Variants in SCRIB observed in about 807,000 individuals in gnomAD.
SCRIB encodes the protein protein scribble homolog.
In SCRIB, 72 loss-of-function variants were observed where a neutral mutation model predicts 170.0. The ratio of observed to expected loss-of-function variants is 0.42; its 90% CI spans 0.35 to 0.52. SCRIB has a LOEUF of 0.52. Among genes scored for constraint, SCRIB ranks in the 20% least tolerant of loss-of-function variants. The probability of loss-of-function intolerance (pLI) is 0.02; values close to 1 mark genes in which losing one functional copy is unlikely to be tolerated. For synonymous variants in SCRIB, 1,298 were observed against 1,044.3 expected, an observed-to-expected ratio of 1.24 and a Z score of -4.68; for missense variants, 2,475 against 2,338.5, an observed-to-expected ratio of 1.06 and a Z score of -1.20.
Position 143,792,345 on chromosome 8 carries a change from A to G in SCRIB, c.4389T>C (p.Ala1463=). Residue 1463 remains alanine, a synonymous_variant, in exon 32 of 37, where the codon GCT becomes GCC. Coordinates refer to ENST00000356994, the MANE Select transcript of SCRIB (RefSeq NM_182706.5). ...GGGAPVRTAK[A]ERRHQERLRV... is the part of the protein sequence containing the mutation. The stretch of plus-strand genomic sequence containing the variant: ...GCAGCCGCTCCTGGTGGCGCCGTTC[A>G]GCTTTGGCCGTCCGCACCGGGGCGC... 1 of 1,539,952 alleles carries G rather than the reference A, an allele frequency of 6.5e-7. No homozygotes were observed. Among genetic ancestry groups the G allele is most frequent in the Middle Eastern group, 1.8e-4 (1 of 5,478 alleles).
At chr8:143,814,453 G>A (rs902786218) in intron 1 of SCRIB, among the ~76,000 whole-genome samples, 2 of 152,082 alleles carry the variant, frequency 1.3e-5, no homozygotes, top group African/African-American at 4.8e-5. Flanking sequence ...CCCTCCAGGG[G>A]CCCACACTGG....
chr8:143,797,577 G>C (rs1814995762), intron 24 of SCRIB, among the ~76,000 whole-genome samples: 1 of 152,214 alleles, frequency 6.6e-6, no homozygotes, highest in African/African-American at 2.4e-5. Context: ...AAACCTGGCT[G>C]ACCCCACGGT....
rs927192857 is a variant in SCRIB, at chr8:143,813,644, C to T, written c.439G>A (p.Val147Met). The T allele has an allele frequency of 1.1e-5, 18 of 1,613,108 alleles. No individual in the cohort carries two copies. The African/African-American group carries it at 1.2e-4, about 11-fold the overall frequency. ...DVSLQALPGD[V>M]GNLANLVTLE... ...ACCTGAGAAGGCACTCACTTGCCCA[C>T]GTCCCCGGGCAGTGCCTGCAGAGAC... The change falls in exon 4 of 37, where the codon GTG (valine) becomes ATG (methionine). Residue 147 changes from valine to methionine, a missense_variant. Around this residue, in one of 3 missense-constraint regions of SCRIB, gnomAD observed 487 missense variants for 558.1 expected, o/e 0.87. Coordinates refer to ENST00000356994, the MANE Select transcript of SCRIB (RefSeq NM_182706.5).
At chr8:143,803,604 TG>T in intron 23 of SCRIB, 33 bp from the exon 24 acceptor site, 4 of 525,432 alleles carry the variant, frequency 7.6e-6, no homozygotes, top group Non-Finnish European at 2.9e-6. Context: ...AGAGACCTGT[TG>T]GGGGGTGGGG....
chr8:143,815,120 G>C, intron 1 of SCRIB, 94 bp downstream of exon 1: 10 of 1,355,876 alleles, frequency 7.4e-6, no homozygotes, highest in Non-Finnish European at 9.6e-6. Flanking sequence ...GGGCCGGCTG[G>C]AGGCTGCGGT....
rs1169796713 is a variant in SCRIB, at chr8:143,791,021, G to C, written c.*142C>G. The C allele has an allele frequency of 2.2e-5, 18 of 828,932 alleles. No individual in the cohort carries two copies. The highest frequency in any genetic ancestry group is 3.0e-5 in the Non-Finnish European group (18 of 605,416). 51.3% of individuals were successfully genotyped at this position (828,932 alleles called of 1,614,324 possible). On this transcript the variant is annotated 3_prime_UTR_variant, in exon 37 of 37. Coordinates refer to ENST00000356994, the MANE Select transcript of SCRIB (RefSeq NM_182706.5). ...CAGTCTCGCCGAGGTCTCGGCTGGG[G>C]TGGGGCAGTTAGTTAGTCACAGGCC...
Position 143,804,604 on chromosome 8 carries a change from C to G in SCRIB, c.2973G>C (p.Leu991=). 4.6e-6 allele frequency: 7 copies of G among 1,516,234 alleles called. No individual in the cohort carries two copies. Among genetic ancestry groups the G allele is most frequent in the Middle Eastern group, 1.8e-4 (1 of 5,612 alleles). 93.9% of individuals were successfully genotyped at this position (1,516,234 alleles called of 1,614,324 possible). A position where few individuals can be genotyped will look rare whatever the true frequency, so the allele number is the denominator to read the frequency against. ...VPGLPSLAPS[L]LAAALEGPYP... ...ATGGCCCTTCCAACGCGGCAGCCAGCAGGCTGGGGGCCAGGCTCGGCAACC... is the reference window on the plus strand; with the variant it reads ...ATGGCCCTTCCAACGCGGCAGCCAGGAGGCTGGGGGCCAGGCTCGGCAACC... The change falls in exon 21 of 37, where the codon CTG becomes CTC. Residue 991 remains leucine, a synonymous_variant. Coordinates refer to ENST00000356994, the MANE Select transcript of SCRIB (RefSeq NM_182706.5).
chr8:143,797,741 G>A (rs1815003836), intron 24 of SCRIB, among the ~76,000 whole-genome samples: 3 of 152,238 alleles, frequency 2.0e-5, no homozygotes, highest in South Asian at 2.1e-4. Flanking sequence ...CAGCAGAAGC[G>A]TCAAGGTCAG....
Position 143,812,062 on chromosome 8 carries a change from C to A in SCRIB, c.906+204G>T, listed in dbSNP as rs147877031. On this transcript the variant is annotated intron_variant, in intron 9 of 36. Coordinates refer to ENST00000356994, the MANE Select transcript of SCRIB (RefSeq NM_182706.5). ...CGAGACCTAGATTCTTCACGGTAAA[C>A]GGCAAAGGCCCCTGCCCTGGCCTCA... Among the ~76,000 whole-genome samples, 25 of 152,298 alleles carry A rather than the reference C, an allele frequency of 1.6e-4. No homozygotes were observed. The East Asian group carries it at 4.0e-3, about 25-fold the overall frequency.
At chr8:143,800,204 G>A (rs2130042371) in intron 24 of SCRIB, among the ~76,000 whole-genome samples, 1 of 152,296 alleles carries the variant, frequency 6.6e-6, no homozygotes, top group East Asian at 1.9e-4. Context: ...CAAGCCCGCT[G>A]ATGAAACCTC....
chr8:143,812,725 T>A, intron 8 of SCRIB, 92 bp downstream of exon 8: 1 of 1,485,248 alleles, frequency 6.7e-7, no homozygotes, highest in Non-Finnish European at 9.1e-7. Flanking sequence ...GATCCTCCCC[T>A]GTGTTCCACA....
Position 143,813,586 on chromosome 8 carries a change from G to T in SCRIB, c.446+51C>A, listed in dbSNP as rs776961223. ...GGAAAGCAGTGGCAGCAGGGGCAGG[G>T]CCAATCCTGGTCCCCCACCCCACCC... On this transcript the variant is annotated intron_variant, in intron 4 of 36. Transcript: ENST00000356994. 28 of 1,611,820 alleles carry T rather than the reference G, an allele frequency of 1.7e-5. No individual in the cohort carries two copies. In the East Asian group the frequency reaches 5.8e-4, roughly 33 times the overall value.
rs977071991 is a variant in SCRIB at position 143,815,713 on chromosome 8, C to G, written c.-341G>C. On this transcript the variant is annotated 5_prime_UTR_variant, in exon 1 of 37. Coordinates refer to ENST00000356994, the MANE Select transcript of SCRIB (RefSeq NM_182706.5). ...GTGCCGCACCGGAACCGCCGCTGCCCGCCGGACTGCCCCGCCGACACCCAC... is the reference window on the plus strand; with the variant it reads ...GTGCCGCACCGGAACCGCCGCTGCCGGCCGGACTGCCCCGCCGACACCCAC... 3.0e-6 allele frequency: 3 copies of G among 983,758 alleles called. No individual in the cohort carries two copies. The highest frequency in any genetic ancestry group is 1.8e-5 in the African/African-American group (1 of 57,042). The allele number at this position is 983,758 out of a possible 1,614,324, so 60.9% of individuals were successfully genotyped here. A position where few individuals can be genotyped will look rare whatever the true frequency, so the allele number is the denominator to read the frequency against.
rs144081360 is a variant in SCRIB at position 143,813,650 on chromosome 8, C to G, written c.433G>C (p.Gly145Arg). 14 of 1,613,236 alleles carry G rather than the reference C, an allele frequency of 8.7e-6. No homozygotes were observed. The highest frequency in any genetic ancestry group is 6.7e-5 in the Admixed American group (4 of 60,016). Residue 145 changes from glycine to arginine, a missense_variant, in exon 4 of 37, where the codon GGG (glycine) becomes CGG (arginine). Gly to Arg is a moderately radical substitution (Grantham distance 125). Around this residue, in one of 3 missense-constraint regions of SCRIB, gnomAD observed 487 missense variants for 558.1 expected, o/e 0.87. Coordinates refer to ENST00000356994, the MANE Select transcript of SCRIB (RefSeq NM_182706.5). ...GAAGGCACTCACTTGCCCACGTCCC[C>G]GGGCAGTGCCTGCAGAGACACATCA... ...LNDVSLQALP[G>R]DVGNLANLVT...
chr8:143,806,603 G>A, intron 17 of SCRIB, 119 bp from the exon 18 acceptor site: 1 of 807,150 alleles, frequency 1.2e-6, no homozygotes, highest in Non-Finnish European at 2.0e-6. Flanking sequence ...CTGGCCAGCA[G>A]GAGGACTGAG....
chr8:143,800,543 G>A (rs1470193029), intron 24 of SCRIB, among the ~76,000 whole-genome samples: 1 of 152,236 alleles, frequency 6.6e-6, no homozygotes, highest in East Asian at 1.9e-4. Context: ...AGGAAAGCAA[G>A]AGCCACCGGG....
rs1554633104 is a variant in SCRIB, at chr8:143,792,492, T to A, written c.4321A>T (p.Thr1441Ser). 2.6e-6 allele frequency: 4 copies of A among 1,542,522 alleles called. No homozygotes were observed. In the East Asian group the frequency reaches 9.4e-5, roughly 36 times the overall value. The change falls in exon 31 of 37, where the codon ACC becomes TCC. Residue 1441 changes from threonine to serine, a missense_variant. This residue lies in a region of SCRIB where 1,966 missense variants were observed against 1,742.9 expected (regional missense o/e 1.13). Coordinates refer to ENST00000356994, the MANE Select transcript of SCRIB (RefSeq NM_182706.5). ...TGGTGGGCGGGTGCTCACCTTGAGG[T>A]GGGGCTCGGGCTGGCCCAGGGTGGC... ...EQPPWASPSP[T>S]SRQSPASPPP...
intron 1 of SCRIB, 32 bp downstream of exon 1, chr8:143,815,182 C>A (rs1296861647): frequency 6.5e-7 from 1 of 1,535,124 alleles, no homozygotes; most frequent in Non-Finnish European, 8.7e-7. Flanking sequence ...TGGGGGCGCG[C>A]CTTTGGGCGG....
intron 1 of SCRIB, among the ~76,000 whole-genome samples, chr8:143,814,354 A>C (rs1397664081): frequency 6.6e-6 from 1 of 151,904 alleles, no homozygotes; most frequent in Admixed American, 6.6e-5. Flanking sequence ...CCACTCTGAG[A>C]AGACACCTGC....
Sources: gnomAD v4.1 joint callset for allele counts (sites outside exome capture counted in the v4.1 genomes callset) on GRCh38, gnomAD v4.1.1 for gene constraint, gnomAD v4.1.1 regional missense constraint, MANE v1.5 for transcripts, NCBI Gene and HGNC (gene_info 2026-07-23, HGNC 2026-07-21) for gene names.